Variants in RIGI observed in about 807,000 individuals in gnomAD.
RIGI encodes RNA sensor RIG-I, also known as antiviral innate immune response receptor RIG-I.
the RIGI span, among the ~76,000 whole-genome samples, chr9:32,484,674 A>G: frequency 6.6e-6 from 1 of 152,134 alleles, no homozygotes; most frequent in Non-Finnish European, 1.5e-5. Flanking sequence ...ATTCACTGGT[A>G]TCTTTATTAC....
the RIGI span, among the ~76,000 whole-genome samples, chr9:32,461,390 A>G: frequency 3.3e-5 from 5 of 152,212 alleles, no homozygotes; most frequent in Non-Finnish European, 5.9e-5. Context: ...CATGTCTTCT[A>G]TGGAAGATTC....
chr9:32,481,517 A>C, the RIGI span: 8 of 1,508,448 alleles, frequency 5.3e-6, no homozygotes, highest in African/African-American at 1.1e-4. Context: ...AAAAAAAAAA[A>C]AGTTTTTCAC....
the RIGI span, chr9:32,459,626 A>G: frequency 6.7e-6 from 7 of 1,039,484 alleles, no homozygotes; most frequent in African/African-American, 1.6e-5. Flanking sequence ...AATCATTCAT[A>G]TACAACTTCC....
At chr9:32,496,347 G>A in the RIGI span, among the ~76,000 whole-genome samples, 2 of 152,324 alleles carry the variant, frequency 1.3e-5, no homozygotes, top group African/African-American at 4.8e-5. Flanking sequence ...ACTTTTGGGT[G>A]TGTCTGTAAG....
At chr9:32,494,177 C>T in the RIGI span, among the ~76,000 whole-genome samples, 2,163 of 152,230 alleles carry the variant, frequency 0.014, 50 homozygotes, top group African/African-American at 0.045. Flanking sequence ...CTAAGGAAAA[C>T]TTTGAAGTCT....
chr9:32,458,965 C>T, the RIGI span, among the ~76,000 whole-genome samples: 2 of 149,592 alleles, frequency 1.3e-5, no homozygotes, highest in Admixed American at 6.8e-5. Context: ...TATCAGCTCA[C>T]CGCAACCTCT....
the RIGI span, among the ~76,000 whole-genome samples, chr9:32,472,077 GATA>G: frequency 1.3e-5 from 2 of 152,164 alleles, no homozygotes; most frequent in Non-Finnish European, 2.9e-5. Flanking sequence ...GATCCTCCCA[GATA>G]ATAACACAGG....
chr9:32,503,800 G>A, the RIGI span, among the ~76,000 whole-genome samples: 2 of 152,174 alleles, frequency 1.3e-5, no homozygotes, highest in African/African-American at 2.4e-5. Flanking sequence ...CCACCACTTT[G>A]GGAGGCCAAG....
chr9:32,473,871 T>C, the RIGI span, among the ~76,000 whole-genome samples: 1 of 151,858 alleles, frequency 6.6e-6, no homozygotes, highest in Non-Finnish European at 1.5e-5. Context: ...CTACTAAAAA[T>C]ACAAAAATTA....
chr9:32,463,775 G>A, the RIGI span, among the ~76,000 whole-genome samples: 1 of 151,394 alleles, frequency 6.6e-6, no homozygotes, highest in African/African-American at 2.4e-5. Context: ...TTAATTATGT[G>A]TAGTCATGGG....
chr9:32,459,370 C>T, the RIGI span: 1 of 1,612,364 alleles, frequency 6.2e-7, no homozygotes, highest in Non-Finnish European at 8.5e-7. Flanking sequence ...AGGCAGCTTA[C>T]CTCTATCACT....
chr9:32,504,716 T>TATAAAATATATAAAATATATTTAATAC, the RIGI span, among the ~76,000 whole-genome samples: 89 of 142,498 alleles, frequency 6.2e-4, no homozygotes, highest in African/African-American at 2.2e-3. Context: ...ACATTTAATA[T>TATAAAATATATAAAATATATTTAATAC]ATATAAAATA....
the RIGI span, among the ~76,000 whole-genome samples, chr9:32,503,652 G>A: frequency 6.6e-6 from 1 of 152,178 alleles, no homozygotes; most frequent in Admixed American, 6.5e-5. Flanking sequence ...GCTCACGCAT[G>A]TGTCCAGAAA....
At chr9:32,517,321 T>C in the RIGI span, among the ~76,000 whole-genome samples, 1 of 152,254 alleles carries the variant, frequency 6.6e-6, no homozygotes, top group African/African-American at 2.4e-5. Flanking sequence ...TGAGTTTGTA[T>C]TGCTATCTCA....
the RIGI span, among the ~76,000 whole-genome samples, chr9:32,495,391 T>C: frequency 2.0e-5 from 3 of 151,914 alleles, no homozygotes; most frequent in Admixed American, 6.6e-5. Flanking sequence ...TTAGTAGAGA[T>C]GGGGTTTCAC....
At chr9:32,474,843 A>G in the RIGI span, among the ~76,000 whole-genome samples, 4 of 152,226 alleles carry the variant, frequency 2.6e-5, no homozygotes, top group Non-Finnish European at 5.9e-5. Flanking sequence ...GCATTATATA[A>G]CTAATACGGA....
the RIGI span, among the ~76,000 whole-genome samples, chr9:32,473,786 G>C: frequency 6.6e-6 from 1 of 152,072 alleles, no homozygotes; most frequent in Non-Finnish European, 1.5e-5. Context: ...CCAGCATTTT[G>C]GGAGGCCGAG....
chr9:32,522,520 C>T, the RIGI span, among the ~76,000 whole-genome samples: 1 of 152,090 alleles, frequency 6.6e-6, no homozygotes, highest in East Asian at 1.9e-4. Flanking sequence ...ATTAGGAGAG[C>T]CCATATGGAC....
the RIGI span, among the ~76,000 whole-genome samples, chr9:32,505,539 A>C: frequency 7.9e-5 from 12 of 152,326 alleles, no homozygotes; most frequent in African/African-American, 2.9e-4. Context: ...GGGACTTCAT[A>C]GTTTTCTTCA....
Sources: gnomAD v4.1 joint callset for allele counts (sites outside exome capture counted in the v4.1 genomes callset) on GRCh38, gnomAD v4.1.1 for gene constraint, MANE v1.5 for transcripts, NCBI Gene and HGNC (gene_info 2026-07-23, HGNC 2026-07-21) for gene names.